The following IQCJ variants were observed in gnomAD, a reference collection of about 807,000 sequenced individuals.
The protein encoded by IQCJ is IQ domain-containing protein J.
In IQCJ, 9 loss-of-function variants were observed where a neutral mutation model predicts 11.0. The observed-to-expected ratio is 0.82, with a 90% confidence interval of 0.49 to 1.43. The LOEUF (loss-of-function observed/expected upper bound fraction) is 1.43. Among genes scored for constraint, IQCJ ranks in the 40% most tolerant of loss-of-function variants. The pLI, the probability that IQCJ is intolerant of heterozygous loss-of-function variation, is 0.00. For missense variants in IQCJ, 146 were observed against 133.2 expected, an observed-to-expected ratio of 1.10 and a Z score of -0.47; for synonymous variants, 55 against 51.3, an observed-to-expected ratio of 1.07 and a Z score of -0.31.
rs1474434261 is a variant in IQCJ at position 159,184,099 on chromosome 3, CTT to C, written c.10-61742_10-61741del. On this transcript the variant is annotated intron_variant, in intron 1 of 3. Transcript: ENST00000397832. ...TTAAACTTTGAATAAAATAAAAACT[CTT>C]TGCTATGTTCTACAAAAGTTTGTGT... is the stretch of plus-strand genomic sequence containing the variant. 1.5e-4 allele frequency among the ~76,000 whole-genome samples: 23 copies of C among 152,076 alleles called. No individual in the cohort carries two copies. The East Asian group carries it at 4.2e-3, about 28-fold the overall frequency.
At chr3:159,152,799 G>A (rs1721305883) in intron 1 of IQCJ, among the ~76,000 whole-genome samples, 1 of 152,170 alleles carries the variant, frequency 6.6e-6, no homozygotes, top group Middle Eastern at 3.2e-3. Context: ...AATAGATTCA[G>A]TGAATTAATA....
chr3:159,217,084 T>C (rs1204708944), intron 1 of IQCJ, among the ~76,000 whole-genome samples: 1 of 152,152 alleles, frequency 6.6e-6, no homozygotes, highest in Non-Finnish European at 1.5e-5. Flanking sequence ...GTCAGTCTTA[T>C]CCCTGGCTGC....
intron 1 of IQCJ, among the ~76,000 whole-genome samples, chr3:159,244,408 G>A (rs1021128105): frequency 2.0e-5 from 3 of 152,080 alleles, no homozygotes; most frequent in African/African-American, 7.2e-5. Flanking sequence ...TATGTAGCAC[G>A]TGGGGAAGAA....
chr3:159,196,396 A>G (rs1049484363), intron 1 of IQCJ, among the ~76,000 whole-genome samples: 2 of 152,234 alleles, frequency 1.3e-5, no homozygotes, highest in African/African-American at 4.8e-5. Context: ...GGCTCCCAAA[A>G]TTGGTATCTG....
In IQCJ at chr3:159,080,905, C is replaced by T. The variant is rs142819652; in HGVS notation, c.9+11464C>T. Among the ~76,000 whole-genome samples the T allele has an allele frequency of 3.8e-3, 585 of 152,172 alleles. 6 individuals carry two copies. The highest frequency in any genetic ancestry group is 0.012 in the African/African-American group (517 of 41,540). On this transcript the variant is annotated intron_variant, in intron 1 of 3. Transcript: ENST00000397832. ...TGTAAGTATTTAGCCAACTAAACTG[C>T]AGGTTTCCTCTTAAAATCAGTATGT...
intron 1 of IQCJ, among the ~76,000 whole-genome samples, chr3:159,142,417 G>C (rs1720657691): frequency 3.9e-5 from 3 of 76,768 alleles, no homozygotes; most frequent in Admixed American, 2.5e-4. Context: ...TGAGGGGCAG[G>C]TCTTTTCCCC....
At chr3:159,080,302 C>T (rs1035894393) in intron 1 of IQCJ, among the ~76,000 whole-genome samples, 1 of 152,002 alleles carries the variant, frequency 6.6e-6, no homozygotes, top group South Asian at 2.1e-4. Flanking sequence ...TAATTCCACC[C>T]ACATACCCTT....
intron 1 of IQCJ, among the ~76,000 whole-genome samples, chr3:159,180,914 T>C (rs1198430539): frequency 6.6e-6 from 1 of 152,054 alleles, no homozygotes; most frequent in Non-Finnish European, 1.5e-5. Flanking sequence ...CTCTGTAACC[T>C]GCTGTTTTTC....
intron 1 of IQCJ, among the ~76,000 whole-genome samples, chr3:159,103,222 C>G (rs1421293344): frequency 5.9e-5 from 9 of 152,158 alleles, no homozygotes; most frequent in Admixed American, 5.9e-4. Flanking sequence ...ATTAAATGTC[C>G]TCTCAGTTGT....
intron 1 of IQCJ, among the ~76,000 whole-genome samples, chr3:159,223,875 G>GA (rs1355476423): frequency 6.6e-6 from 1 of 152,076 alleles, no homozygotes; most frequent in Admixed American, 6.6e-5. Flanking sequence ...AGGTGTATAT[G>GA]AAACACAAAT....
chr3:159,224,154 C>G (rs1001086490), intron 1 of IQCJ, among the ~76,000 whole-genome samples: 3 of 151,576 alleles, frequency 2.0e-5, no homozygotes, highest in African/African-American at 7.3e-5. Flanking sequence ...TTTGTCAGAG[C>G]AAATAGCAAC....
intron 1 of IQCJ, among the ~76,000 whole-genome samples, chr3:159,171,253 G>A (rs1722472527): frequency 6.6e-6 from 1 of 152,110 alleles, no homozygotes; most frequent in Non-Finnish European, 1.5e-5. Flanking sequence ...CCACATCAGT[G>A]TTATCGATGT....
intron 1 of IQCJ, chr3:159,069,792 C>T: frequency 2.0e-6 from 1 of 500,914 alleles, no homozygotes; most frequent in Admixed American, 2.3e-5. Flanking sequence ...ACATTTTTCA[C>T]ACCCATGCAA....
Position 159,193,838 on chromosome 3 carries a change from A to G in IQCJ, c.10-52005A>G, listed in dbSNP as rs150856898. ...TGAAATCTAGATAAGACTTAGTACA[A>G]GGGACCTCATGATGTCTGGCTTATG... On this transcript the variant is annotated intron_variant, in intron 1 of 3. Coordinates refer to ENST00000397832, the MANE Select transcript of IQCJ (RefSeq NM_001042706.3). Among the ~76,000 whole-genome samples, 690 of 152,270 alleles carry G rather than the reference A, an allele frequency of 4.5e-3. 5 individuals are homozygous for G. Among genetic ancestry groups the G allele is most frequent in the African/African-American group, 0.013 (529 of 41,548 alleles).
intron 1 of IQCJ, among the ~76,000 whole-genome samples, chr3:159,176,618 TA>T (rs1441600895): frequency 6.6e-6 from 1 of 152,174 alleles, no homozygotes; most frequent in African/African-American, 2.4e-5. Context: ...GTAGCTACAT[TA>T]AAAAATTAAA....
intron 1 of IQCJ, among the ~76,000 whole-genome samples, chr3:159,112,379 A>G (rs1193915667): frequency 5.9e-5 from 9 of 152,168 alleles, no homozygotes; most frequent in Non-Finnish European, 1.3e-4. Flanking sequence ...ATTTGAGTAC[A>G]TTCAATCAGT....
At chr3:159,252,607 TA>T in intron 2 of IQCJ, 119 bp from the exon 3 acceptor site, 1 of 924,162 alleles carries the variant, frequency 1.1e-6, no homozygotes, top group Non-Finnish European at 1.5e-6. Context: ...TTTAATAAAT[TA>T]AAATAAACAA....
chr3:159,212,292 A>G (rs1724998696), intron 1 of IQCJ, among the ~76,000 whole-genome samples: 3 of 152,138 alleles, frequency 2.0e-5, no homozygotes, highest in African/African-American at 7.2e-5. Context: ...GAGTCCTACC[A>G]CTATCACTTT....
intron 1 of IQCJ, among the ~76,000 whole-genome samples, chr3:159,090,676 T>C (rs922551755): frequency 6.6e-6 from 1 of 151,642 alleles, no homozygotes; most frequent in Non-Finnish European, 1.5e-5. Flanking sequence ...ATGAGCTGAG[T>C]CCAGGGCTGT....
Sources: allele counts gnomAD v4.1 joint callset (sites outside exome capture counted in the v4.1 genomes callset), GRCh38; gene constraint gnomAD v4.1.1; transcripts MANE v1.5; gene names NCBI Gene and HGNC (gene_info 2026-07-23, HGNC 2026-07-21).